ZNF469: variants seen among roughly 807,000 people sequenced by gnomAD.
ZNF469 encodes zinc finger protein 469.
In ZNF469, 1 loss-of-function variant was observed where a neutral mutation model predicts 1.0. The ratio of observed to expected loss-of-function variants is 1.00; its 90% CI spans 0.35 to 4.73. The LOEUF is 4.73. Ranked by LOEUF, ZNF469 falls within the 30% of genes most tolerant of loss-of-function variation. The pLI is 0.16. For missense variants in ZNF469, 6,100 were observed against 5,356.3 expected, an observed-to-expected ratio of 1.14 and a Z score of -4.33; for synonymous variants, 2,703 against 2,363.4, an observed-to-expected ratio of 1.14 and a Z score of -4.17.
the ZNF469 span, among the ~76,000 whole-genome samples, chr16:88,331,749 C>G: frequency 1.1e-3 from 165 of 150,884 alleles, no homozygotes; most frequent in African/African-American, 3.8e-3. Flanking sequence ...ATCATCACCA[C>G]CATCATCATC....
chr16:88,188,476 T>C, the ZNF469 span, among the ~76,000 whole-genome samples: 52 of 152,316 alleles, frequency 3.4e-4, 1 homozygote, highest in African/African-American at 1.2e-3. Flanking sequence ...TCTTACAGCA[T>C]GCAGGAAGGG....
chr16:88,244,572 C>CATGG, the ZNF469 span, among the ~76,000 whole-genome samples: 8 of 135,822 alleles, frequency 5.9e-5, no homozygotes, highest in Admixed American at 3.6e-4. Context: ...TGGATGGATG[C>CATGG]ATGGATGGAT....
the ZNF469 span, among the ~76,000 whole-genome samples, chr16:88,247,027 A>ATGAG: frequency 0.61 from 91,607 of 149,444 alleles, 29,579 homozygotes; most frequent in African/African-American, 0.83. Flanking sequence ...GAGTGAGTGA[A>ATGAG]TGAGTGAATG....
intron 1 of ZNF469, among the ~76,000 whole-genome samples, chr16:88,385,889 C>T (rs1262377392): frequency 6.6e-6 from 1 of 152,164 alleles, no homozygotes; most frequent in East Asian, 1.9e-4. Context: ...AGGCCTGGCA[C>T]ACTGCAAGTA....
chr16:88,355,823 A>G, the ZNF469 span, among the ~76,000 whole-genome samples: 2 of 152,166 alleles, frequency 1.3e-5, no homozygotes, highest in Non-Finnish European at 2.9e-5. Context: ...TGGACCCGAA[A>G]GAGGTGTGGG....
intron 1 of ZNF469, among the ~76,000 whole-genome samples, chr16:88,400,736 C>T (rs954488916): frequency 6.6e-6 from 1 of 151,968 alleles, no homozygotes; most frequent in Admixed American, 6.5e-5. Flanking sequence ...CCAAGGTCAG[C>T]CTGTGGGTCC....
the ZNF469 span, among the ~76,000 whole-genome samples, chr16:88,294,163 C>G: frequency 6.6e-6 from 1 of 152,200 alleles, no homozygotes; most frequent in Non-Finnish European, 1.5e-5. Context: ...TTGCTTGTGG[C>G]AGAAACACAT....
the ZNF469 span, among the ~76,000 whole-genome samples, chr16:88,221,572 G>A: frequency 6.6e-6 from 1 of 152,224 alleles, no homozygotes; most frequent in Non-Finnish European, 1.5e-5. Flanking sequence ...CCTTGCCCCG[G>A]CTGCGGGCCA....
At chr16:88,348,986 C>T in the ZNF469 span, among the ~76,000 whole-genome samples, 1 of 152,192 alleles carries the variant, frequency 6.6e-6, no homozygotes. Flanking sequence ...GGACAGCATA[C>T]GAGTCCTCGG....
At chr16:88,270,142 C>G in the ZNF469 span, among the ~76,000 whole-genome samples, 1 of 152,112 alleles carries the variant, frequency 6.6e-6, no homozygotes, top group Non-Finnish European at 1.5e-5. Flanking sequence ...CTTCATGGAC[C>G]AGAATTCTGG....
chr16:88,360,222 G>A, the ZNF469 span, among the ~76,000 whole-genome samples: 6 of 151,906 alleles, frequency 3.9e-5, no homozygotes, highest in East Asian at 1.9e-4. Context: ...GTTTCTCCAC[G>A]TTGGCCAGGC....
chr16:88,144,210 G>T, the ZNF469 span, among the ~76,000 whole-genome samples: 3 of 152,248 alleles, frequency 2.0e-5, no homozygotes, highest in African/African-American at 7.2e-5. Flanking sequence ...CAAAGGCGTG[G>T]TGGGGAGGGC....
At chr16:88,130,146 G>A in the ZNF469 span, among the ~76,000 whole-genome samples, 1 of 152,176 alleles carries the variant, frequency 6.6e-6, no homozygotes, top group Non-Finnish European at 1.5e-5. Context: ...TGTCTAACCC[G>A]AATGCCAAGC....
At chr16:88,350,612 A>G in the ZNF469 span, among the ~76,000 whole-genome samples, 1 of 152,254 alleles carries the variant, frequency 6.6e-6, no homozygotes. Context: ...TAAGATCATG[A>G]TTCCGGAACC....
chr16:88,112,994 G>T, the ZNF469 span, among the ~76,000 whole-genome samples: 1 of 151,984 alleles, frequency 6.6e-6, no homozygotes, highest in African/African-American at 2.4e-5. Context: ...TAGCCAGGAT[G>T]GTCTCGATCT....
the ZNF469 span, among the ~76,000 whole-genome samples, chr16:88,119,974 C>T: frequency 7.9e-4 from 121 of 152,262 alleles, 1 homozygote; most frequent in South Asian, 0.024. Context: ...TCTCTGCCGC[C>T]GCCGTGCGTG....
chr16:88,420,398 C>T (rs1487634016), intron 1 of ZNF469, among the ~76,000 whole-genome samples: 1 of 152,214 alleles, frequency 6.6e-6, no homozygotes, highest in East Asian at 1.9e-4. Flanking sequence ...ACTGCGTGAG[C>T]GTTGATATCA....
chr16:88,327,848 A>C, the ZNF469 span, among the ~76,000 whole-genome samples: 1 of 152,202 alleles, frequency 6.6e-6, no homozygotes, highest in Non-Finnish European at 1.5e-5. Context: ...CCGGATCCCG[A>C]GTTCAGCTGG....
At chr16:88,407,347 C>T (rs955471442) in intron 1 of ZNF469, among the ~76,000 whole-genome samples, 1 of 151,392 alleles carries the variant, frequency 6.6e-6, no homozygotes, top group Non-Finnish European at 1.5e-5. Flanking sequence ...GCAGGGCTCA[C>T]GGTACCCTCT....
Sources: gnomAD v4.1 joint callset for allele counts (sites outside exome capture counted in the v4.1 genomes callset) on GRCh38, gnomAD v4.1.1 for gene constraint, MANE v1.5 for transcripts, NCBI Gene and HGNC (gene_info 2026-07-23, HGNC 2026-07-21) for gene names.